RBFOX1: variants seen among roughly 807,000 people sequenced by gnomAD.
RBFOX1 encodes RNA binding fox-1 homolog 1.
A neutral mutation model predicts 57.7 loss-of-function variants in RBFOX1; 8 were observed. The ratio of observed to expected loss-of-function variants is 0.14; its 90% CI spans 0.08 to 0.25. The LOEUF is 0.25. RBFOX1 is among the 10% of genes least tolerant of loss of function. RBFOX1 has a pLI of 1.00. For synonymous variants in RBFOX1, 326 were observed against 222.4 expected (o/e 1.47, Z -4.15); for missense variants, 611 against 548.5 (o/e 1.11, Z -1.14).
chr16:5,730,411 G>A (rs17134928), intron 3 of RBFOX1, among the ~76,000 whole-genome samples: 4 of 152,134 alleles, frequency 2.6e-5, no homozygotes, highest in Non-Finnish European at 5.9e-5. Flanking sequence ...GTCTGTAGAG[G>A]GCATGGAACT....
In RBFOX1 at chr16:6,056,873, G is replaced by C. The variant is rs979657174; in HGVS notation, c.-127+36881G>C. The C allele has an allele frequency of 2.0e-5, 3 of 147,076 alleles. No homozygotes were observed. In the Admixed American group the frequency reaches 2.1e-4, roughly 10 times the overall value. The allele number at this position is 147,076 out of a possible 1,614,324, so 9.1% of individuals were successfully genotyped here. ...TTTTTTTTTCTTTTTTACTCTGGAA[G>C]TGAGCTGCATACAGAAAGAACAAAG... is the stretch of plus-strand genomic sequence containing the variant. On this transcript the variant is annotated intron_variant, in intron 1 of 15. Transcript: ENST00000550418.
At chr16:7,709,457 T>C in intron 15 of RBFOX1, 3 of 1,417,614 alleles carry the variant, frequency 2.1e-6, no homozygotes, top group Non-Finnish European at 2.8e-6. Context: ...CTTTTTTTTT[T>C]CTTTTTTTTT....
intron 3 of RBFOX1, among the ~76,000 whole-genome samples, chr16:5,646,346 T>G (rs1409248030): frequency 6.6e-6 from 1 of 152,006 alleles, no homozygotes; most frequent in Non-Finnish European, 1.5e-5. Context: ...ACTATGTTGC[T>G]CAGGCTGATC....
At chr16:5,984,946 TTATATATATA>T (rs61004841) in intron 4 of RBFOX1, among the ~76,000 whole-genome samples, 771 of 69,582 alleles carry the variant, frequency 0.011, 42 homozygotes, top group East Asian at 0.064. Flanking sequence ...GGCAACTCCA[TTATATATATA>T]TATATATATA....
chr16:5,414,026 G>A (rs1390640353), intron 1 of RBFOX1, among the ~76,000 whole-genome samples: 1 of 152,194 alleles, frequency 6.6e-6, no homozygotes, highest in Non-Finnish European at 1.5e-5. Context: ...TTTGTCTACT[G>A]CAGGGAGATA....
At chr16:7,257,814 C>A (rs1168641435) in intron 4 of RBFOX1, among the ~76,000 whole-genome samples, 1 of 152,184 alleles carries the variant, frequency 6.6e-6, no homozygotes, top group African/African-American at 2.4e-5. Flanking sequence ...TCGTTGATAG[C>A]AAGCATTTAG....
intron 2 of RBFOX1, among the ~76,000 whole-genome samples, chr16:6,567,257 G>A (rs75826027): frequency 0.012 from 1,766 of 152,226 alleles, 42 homozygotes; most frequent in African/African-American, 0.041. Flanking sequence ...TTCAGATACG[G>A]TATCTTATTT....
rs898100488 is a variant in RBFOX1, at chr16:7,218,642, G to C, written c.27+166544G>C. 4.2e-3 allele frequency among the ~76,000 whole-genome samples: 622 copies of C among 147,980 alleles called. 11 individuals are homozygous for C. The highest frequency in any genetic ancestry group is 0.012 in the African/African-American group (472 of 40,416). ...GTGGGGGTTTGCTGTGTGTGTGTGT[G>C]TGTGTGTGTGTGTGTGTGTGTGTGT... On this transcript the variant is annotated intron_variant, in intron 4 of 15. Transcript: ENST00000550418.
intron 1 of RBFOX1, among the ~76,000 whole-genome samples, chr16:6,200,378 G>A (rs1362317): frequency 0.97 from 147,782 of 152,126 alleles, 71,906 homozygotes; most frequent in East Asian, 1. Context: ...GTCACCTGAT[G>A]TGAGTGAGAG....
At chr16:7,495,289 G>T (rs1333142394) in intron 4 of RBFOX1, among the ~76,000 whole-genome samples, 10 of 152,144 alleles carry the variant, frequency 6.6e-5, no homozygotes, top group Admixed American at 5.9e-4. Flanking sequence ...ACTTGTGCAG[G>T]TGTCTTTCTG....
chr16:6,835,934 T>A (rs1394973629), intron 3 of RBFOX1, among the ~76,000 whole-genome samples: 1 of 152,044 alleles, frequency 6.6e-6, no homozygotes, highest in African/African-American at 2.4e-5. Flanking sequence ...CCTAAAATGA[T>A]AAAGAGCAGC....
intron 4 of RBFOX1, among the ~76,000 whole-genome samples, chr16:7,466,409 C>T (rs1475904327): frequency 6.6e-6 from 1 of 152,132 alleles, no homozygotes; most frequent in African/African-American, 2.4e-5. Context: ...CCCAGTGAGG[C>T]AGGTACTCAT....
At position 7,202,330 on chromosome 16, in the gene RBFOX1, C is replaced by T. The variant is rs556870488; in HGVS notation, c.27+150232C>T. Reference sequence around the variant, plus strand: ...AAAAAAAAAAGAAGCACAGAAAACACGTGTTGATAAGGATGTGGAAAAATT... The same window carrying T: ...AAAAAAAAAAGAAGCACAGAAAACATGTGTTGATAAGGATGTGGAAAAATT... On this transcript the variant is annotated intron_variant, in intron 4 of 15. Coordinates refer to ENST00000550418, the MANE Select transcript of RBFOX1 (RefSeq NM_018723.4). 1.8e-3 allele frequency among the ~76,000 whole-genome samples: 267 copies of T among 148,780 alleles called. 2 individuals are homozygous for T. The highest frequency in any genetic ancestry group is 3.2e-3 in the South Asian group (15 of 4,712).
intron 4 of RBFOX1, among the ~76,000 whole-genome samples, chr16:5,878,326 T>A (rs189277712): frequency 6.6e-6 from 1 of 152,190 alleles, no homozygotes; most frequent in Non-Finnish European, 1.5e-5. Flanking sequence ...GTATTGTATA[T>A]AAATTACCTC....
chr16:5,719,736 A>C (rs2051857646), intron 3 of RBFOX1, among the ~76,000 whole-genome samples: 1 of 152,120 alleles, frequency 6.6e-6, no homozygotes, highest in African/African-American at 2.4e-5. Context: ...AGCCTATGTC[A>C]ATACTTCATT....
intron 3 of RBFOX1, among the ~76,000 whole-genome samples, chr16:6,871,128 G>C (rs1019166872): frequency 6.6e-6 from 1 of 152,176 alleles, no homozygotes. Flanking sequence ...TTTGATGAAG[G>C]TTCCTTTCTT....
intron 3 of RBFOX1, among the ~76,000 whole-genome samples, chr16:6,891,422 A>C (rs1369652419): frequency 6.6e-6 from 1 of 152,144 alleles, no homozygotes; most frequent in Admixed American, 6.5e-5. Flanking sequence ...TGCCTTTTCT[A>C]CCTAATAGTA....
intron 4 of RBFOX1, among the ~76,000 whole-genome samples, chr16:7,194,527 T>G (rs970666478): frequency 1.3e-5 from 2 of 152,164 alleles, no homozygotes; most frequent in South Asian, 4.1e-4. Flanking sequence ...ACATTTAAAT[T>G]ACCAAACAGA....
chr16:5,359,755 A>G (rs1027156112), intron 1 of RBFOX1, among the ~76,000 whole-genome samples: 1 of 151,900 alleles, frequency 6.6e-6, no homozygotes, highest in Non-Finnish European at 1.5e-5. Flanking sequence ...CCATTTGTCC[A>G]TTTTTGCTTT....
Sources: allele counts gnomAD v4.1 joint callset (sites outside exome capture counted in the v4.1 genomes callset), GRCh38; gene constraint gnomAD v4.1.1; transcripts MANE v1.5; gene names NCBI Gene and HGNC (gene_info 2026-07-23, HGNC 2026-07-21).